Variants in GLIS3 observed in about 807,000 individuals in gnomAD.
GLIS3 encodes the protein zinc finger protein GLIS3.
In GLIS3, 53 loss-of-function variants were observed where a neutral mutation model predicts 78.6. That is an observed-to-expected ratio of 0.67 (90% confidence interval 0.54 to 0.85). GLIS3 has a LOEUF of 0.85. Ranked by LOEUF, GLIS3 falls within the 40% of genes least tolerant of loss-of-function variation. The pLI is 0.00. For missense variants in GLIS3, 1,703 were observed against 1,231.1 expected (o/e 1.38, Z -5.74); for synonymous variants, 684 against 509.9 (o/e 1.34, Z -4.60).
At chr9:4,066,105 CAT>C (rs1213939718) in intron 4 of GLIS3, among the ~76,000 whole-genome samples, 6 of 149,528 alleles carry the variant, frequency 4.0e-5, no homozygotes, top group Middle Eastern at 3.3e-3. Flanking sequence ...AAAAAAATCA[CAT>C]GTCAAGCCAT....
intron 4 of GLIS3, among the ~76,000 whole-genome samples, chr9:4,009,610 G>A (rs1236872023): frequency 6.6e-6 from 1 of 152,214 alleles, no homozygotes; most frequent in African/African-American, 2.4e-5. Flanking sequence ...TTGTTCTAAT[G>A]CTCCCCAAGA....
At chr9:4,024,413 C>T (rs1333281169) in intron 4 of GLIS3, among the ~76,000 whole-genome samples, 1 of 152,166 alleles carries the variant, frequency 6.6e-6, no homozygotes, top group Non-Finnish European at 1.5e-5. Context: ...TGTAGGAACA[C>T]ACTTATTCTT....
At chr9:4,461,158 G>C in the GLIS3 span, among the ~76,000 whole-genome samples, 1 of 152,166 alleles carries the variant, frequency 6.6e-6, no homozygotes, top group South Asian at 2.1e-4. Flanking sequence ...CAAATCAAGA[G>C]AAAAGATGTT....
At chr9:4,265,185 A>AG (rs1341412812) in intron 2 of GLIS3, among the ~76,000 whole-genome samples, 4 of 147,044 alleles carry the variant, frequency 2.7e-5, no homozygotes, top group Non-Finnish European at 6.0e-5. Flanking sequence ...AAAAAAAAAA[A>AG]AAAAGAAATA....
At chr9:4,477,383 G>A in the GLIS3 span, among the ~76,000 whole-genome samples, 1 of 146,922 alleles carries the variant, frequency 6.8e-6, no homozygotes, top group East Asian at 2.0e-4. Context: ...GGGGGTGGGA[G>A]GTGGGGAATA....
intron 4 of GLIS3, among the ~76,000 whole-genome samples, chr9:3,982,215 T>A (rs923706607): frequency 6.8e-6 from 1 of 147,920 alleles, no homozygotes; most frequent in Non-Finnish European, 1.5e-5. Context: ...ACCTCTCTGT[T>A]TTTTTTTTTC....
Position 4,016,497 on chromosome 9 carries a change from A to T in GLIS3, c.1711-79308T>A, listed in dbSNP as rs539343385. Among the ~76,000 whole-genome samples the T allele has an allele frequency of 1.4e-3, 216 of 152,310 alleles. 1 individual carries two copies. The highest frequency in any genetic ancestry group is 5.1e-3 in the African/African-American group (211 of 41,564). Reference sequence around the variant, plus strand: ...CTTGATGAGCTCGACATAATACATCAATTCAGAAATGCCAATGGGGCATTT... The same window carrying T: ...CTTGATGAGCTCGACATAATACATCTATTCAGAAATGCCAATGGGGCATTT... On this transcript the variant is annotated intron_variant, in intron 4 of 10. Coordinates refer to ENST00000381971, the MANE Select transcript of GLIS3 (RefSeq NM_001042413.2).
intron 9 of GLIS3, among the ~76,000 whole-genome samples, chr9:3,854,462 T>G (rs1260648909): frequency 6.6e-6 from 1 of 152,134 alleles, no homozygotes; most frequent in Non-Finnish European, 1.5e-5. Flanking sequence ...GCTCTGGTTT[T>G]TCAAGGTCTC....
the GLIS3 span, among the ~76,000 whole-genome samples, chr9:4,451,437 C>G: frequency 6.6e-6 from 1 of 152,132 alleles, no homozygotes; most frequent in South Asian, 2.1e-4. Flanking sequence ...TTAGACAGAT[C>G]AACAAGACAG....
At chr9:4,339,200 T>A (rs1288849687) in intron 2 of GLIS3, among the ~76,000 whole-genome samples, 1 of 152,334 alleles carries the variant, frequency 6.6e-6, no homozygotes, top group South Asian at 2.1e-4. Context: ...GGTGTGTAAG[T>A]CACATGAAGC....
intron 3 of GLIS3, among the ~76,000 whole-genome samples, chr9:4,124,137 G>A (rs1188149318): frequency 1.3e-5 from 2 of 151,924 alleles, no homozygotes; most frequent in African/African-American, 4.8e-5. Flanking sequence ...ATTGCTAAAA[G>A]TAAGTTCCAT....
intron 4 of GLIS3, among the ~76,000 whole-genome samples, chr9:4,057,019 T>C (rs141752200): frequency 6.6e-6 from 1 of 151,508 alleles, no homozygotes; most frequent in African/African-American, 2.4e-5. Context: ...ATTATCTGCA[T>C]GGCCTTACAT....
chr9:3,935,957 C>A (rs1309061197), intron 5 of GLIS3, among the ~76,000 whole-genome samples: 1 of 152,114 alleles, frequency 6.6e-6, no homozygotes, highest in Non-Finnish European at 1.5e-5. Flanking sequence ...GCTAAAATGA[C>A]TTCTATGAAT....
intron 4 of GLIS3, among the ~76,000 whole-genome samples, chr9:4,110,692 C>G (rs7038499): frequency 6.6e-6 from 1 of 151,960 alleles, no homozygotes; most frequent in Non-Finnish European, 1.5e-5. Flanking sequence ...AGGCTCTGGG[C>G]TAGCCAACCA....
At chr9:4,004,428 A>G (rs1303464140) in intron 4 of GLIS3, among the ~76,000 whole-genome samples, 1 of 152,216 alleles carries the variant, frequency 6.6e-6, no homozygotes, top group East Asian at 1.9e-4. Context: ...GTTTTTGATG[A>G]TGAGGCTGGG....
At chr9:3,963,002 C>A (rs982199074) in intron 4 of GLIS3, among the ~76,000 whole-genome samples, 4 of 150,844 alleles carry the variant, frequency 2.7e-5, no homozygotes, top group Admixed American at 6.6e-5. Context: ...TTCAGAGTTG[C>A]CAGTGCTAAT....
At chr9:4,121,637 ACACACACACAC>A (rs1832191725) in intron 3 of GLIS3, among the ~76,000 whole-genome samples, 2 of 151,610 alleles carry the variant, frequency 1.3e-5, no homozygotes, top group African/African-American at 4.8e-5. Context: ...ACACACACAC[ACACACACACAC>A]ACACACACAC....
At chr9:4,490,120 G>A in the GLIS3 span, among the ~76,000 whole-genome samples, 1 of 152,198 alleles carries the variant, frequency 6.6e-6, no homozygotes, top group Non-Finnish European at 1.5e-5. Flanking sequence ...GAACGGAGAG[G>A]GAGACGTGCA....
At chr9:4,300,857 C>T (rs1403439903), upstream of GLIS3, among the ~76,000 whole-genome samples, 1 of 151,968 alleles carries the variant, frequency 6.6e-6, no homozygotes, top group Non-Finnish European at 1.5e-5. Context: ...ATGTAATGCA[C>T]ACAATATCCT....
Sources: allele counts gnomAD v4.1 joint callset (sites outside exome capture counted in the v4.1 genomes callset), GRCh38; gene constraint gnomAD v4.1.1; transcripts MANE v1.5; gene names NCBI Gene and HGNC (gene_info 2026-07-23, HGNC 2026-07-21).